Variants in DPP10 observed in about 807,000 individuals in gnomAD.
The protein encoded by DPP10 is dipeptidyl peptidase like 10.
In DPP10, 33 loss-of-function variants were observed where a neutral mutation model predicts 120.9. The observed-to-expected ratio is 0.27, with a 90% confidence interval of 0.21 to 0.37. The LOEUF is 0.37. Among genes scored for constraint, DPP10 ranks in the 10% least tolerant of loss-of-function variants. The pLI is 1.00. For missense variants in DPP10, 816 were observed against 942.8 expected, an observed-to-expected ratio of 0.87 and a Z score of 1.76; for synonymous variants, 337 against 326.1, an observed-to-expected ratio of 1.03 and a Z score of -0.36.
rs530127210 is a variant in DPP10 at position 115,377,792 on chromosome 2, C to T, written c.271+33880C>T. 7.2e-5 allele frequency among the ~76,000 whole-genome samples: 11 copies of T among 152,126 alleles called. No homozygotes were observed. In the South Asian group the frequency reaches 8.3e-4, roughly 11 times the overall value. On this transcript the variant is annotated intron_variant, in intron 3 of 25. Coordinates refer to ENST00000410059, the MANE Select transcript of DPP10 (RefSeq NM_020868.6). The stretch of plus-strand genomic sequence containing the variant: ...ATATGGCTAGCCAGTTTTCCCAGCA[C>T]CATTTATTAAATAGGGAATCCTTTC...
intron 1 of DPP10, among the ~76,000 whole-genome samples, chr2:114,785,734 G>C (rs956013036): frequency 6.6e-6 from 1 of 152,114 alleles, no homozygotes; most frequent in South Asian, 2.1e-4. Context: ...ACAGTCTAAG[G>C]GGGAGCTGAA....
chr2:114,593,744 C>A (rs1028933350), intron 1 of DPP10, among the ~76,000 whole-genome samples: 2 of 152,222 alleles, frequency 1.3e-5, no homozygotes, highest in African/African-American at 4.8e-5. Context: ...CCAGAGGAAG[C>A]CTTGCTTTGT....
At chr2:114,700,191 G>A (rs1033117824) in intron 1 of DPP10, among the ~76,000 whole-genome samples, 1 of 152,020 alleles carries the variant, frequency 6.6e-6, no homozygotes, top group Non-Finnish European at 1.5e-5. Context: ...AACTGGGGAA[G>A]TCTCCAGGCA....
At chr2:114,604,192 G>C (rs1031051802) in intron 1 of DPP10, among the ~76,000 whole-genome samples, 3 of 151,972 alleles carry the variant, frequency 2.0e-5, no homozygotes, top group African/African-American at 7.2e-5. Context: ...GAAGTGTTCA[G>C]CATAGACCAT....
chr2:114,748,122 C>A (rs958590557), intron 1 of DPP10, among the ~76,000 whole-genome samples: 1 of 151,794 alleles, frequency 6.6e-6, no homozygotes, highest in African/African-American at 2.4e-5. Flanking sequence ...ATTTTTATTC[C>A]ATTTTACAGA....
chr2:115,791,191 T>C lies in DPP10; in HGVS notation c.1630+12T>C. On this transcript the variant is annotated intron_variant, in intron 18 of 25. Transcript: ENST00000410059. The stretch of plus-strand genomic sequence containing the variant: ...TATTGACGACTATGGTAAAATTTTG[T>C]GCATGCTATGTTATTCAAGAACAAC... 1.2e-6 allele frequency: 2 copies of C among 1,611,360 alleles called. No homozygotes were observed. The highest frequency in any genetic ancestry group is 1.7e-6 in the Non-Finnish European group (2 of 1,178,186).
At position 114,575,201 on chromosome 2, in the gene DPP10, A is replaced by AG. The variant is rs573834684; in HGVS notation, c.60+132364dup. On this transcript the variant is annotated intron_variant, in intron 1 of 25. Coordinates refer to ENST00000410059, the MANE Select transcript of DPP10 (RefSeq NM_020868.6). Reference sequence around the variant, plus strand: ...GCAATTTAGGAGAGAAAACCGAAGAAGAAGGAAGCAAAAGAAAAAAATAAA... The same window carrying AG: ...GCAATTTAGGAGAGAAAACCGAAGAAGGAAGGAAGCAAAAGAAAAAAATAAA... Among the ~76,000 whole-genome samples the AG allele has an allele frequency of 1.2e-3, 180 of 152,288 alleles. 1 individual carries two copies. The highest frequency in any genetic ancestry group is 4.1e-3 in the African/African-American group (169 of 41,560).
At chr2:115,595,246 C>T (rs1393858743) in intron 5 of DPP10, among the ~76,000 whole-genome samples, 1 of 152,010 alleles carries the variant, frequency 6.6e-6, no homozygotes, top group Non-Finnish European at 1.5e-5. Flanking sequence ...TCTTTCTCTT[C>T]CCTTTTTTTG....
chr2:115,806,577 C>T (rs991746271), intron 19 of DPP10, among the ~76,000 whole-genome samples: 8 of 152,150 alleles, frequency 5.3e-5, no homozygotes, highest in Non-Finnish European at 1.2e-4. Context: ...CTGAAGGTGT[C>T]ATGATGCCCT....
At chr2:114,731,194 C>T (rs996227042) in intron 1 of DPP10, among the ~76,000 whole-genome samples, 1 of 151,322 alleles carries the variant, frequency 6.6e-6, no homozygotes, top group Non-Finnish European at 1.5e-5. Context: ...TTTGTCCATG[C>T]TCTGTGCCAA....
At chr2:115,167,653 G>T in intron 1 of DPP10, among the ~76,000 whole-genome samples, 1 of 149,280 alleles carries the variant, frequency 6.7e-6, no homozygotes, top group Non-Finnish European at 1.5e-5. Flanking sequence ...GTGTATAGCT[G>T]ATCCATTATT....
In DPP10 at chr2:115,199,528, A is replaced by G. The variant is rs1573983966; in HGVS notation, c.61-109711A>G. 2.6e-5 allele frequency among the ~76,000 whole-genome samples: 4 copies of G among 152,182 alleles called. No individual in the cohort carries two copies. The East Asian group carries it at 7.7e-4, about 29-fold the overall frequency. ...ATTTGAACTACTAGTTCTTGGTTTG[A>G]ATGTAACAAATTCCTGGGAGGCCCG... is the stretch of plus-strand genomic sequence containing the variant. On this transcript the variant is annotated intron_variant, in intron 1 of 25. Transcript: ENST00000410059.
chr2:115,364,342 G>C (rs2064958715), intron 3 of DPP10, among the ~76,000 whole-genome samples: 1 of 151,858 alleles, frequency 6.6e-6, no homozygotes, highest in South Asian at 2.1e-4. Flanking sequence ...AGCTTAAAAA[G>C]CTCTGGTTTT....
At chr2:115,780,039 AC>A (rs1682563602) in intron 15 of DPP10, among the ~76,000 whole-genome samples, 1 of 151,970 alleles carries the variant, frequency 6.6e-6, no homozygotes, top group Admixed American at 6.6e-5. Context: ...TAAATATACG[AC>A]CAAAAATCAT....
chr2:115,675,966 T>A (rs2090219003), intron 5 of DPP10, among the ~76,000 whole-genome samples: 1 of 152,178 alleles, frequency 6.6e-6, no homozygotes, highest in Non-Finnish European at 1.5e-5. Flanking sequence ...CAGCTGTGAC[T>A]GTTGTACTGA....
chr2:114,574,140 G>T (rs752197159), intron 1 of DPP10, among the ~76,000 whole-genome samples: 1 of 152,170 alleles, frequency 6.6e-6, no homozygotes, highest in Non-Finnish European at 1.5e-5. Context: ...GGACAGTGGT[G>T]TCAGTGAGAA....
chr2:115,630,978 G>GC (rs749830343), intron 5 of DPP10, among the ~76,000 whole-genome samples: 4 of 151,042 alleles, frequency 2.6e-5, no homozygotes, highest in Non-Finnish European at 5.9e-5. Context: ...AGAAGAAGTG[G>GC]CACCAGCTCC....
At chr2:115,815,764 G>T (rs1438214483) in intron 21 of DPP10, 35 bp downstream of exon 21, 4 of 1,561,686 alleles carry the variant, frequency 2.6e-6, no homozygotes, top group Non-Finnish European at 3.5e-6. Context: ...ATCTTTTTAT[G>T]CGTATCTATG....
At chr2:115,007,475 G>A (rs1232880508) in intron 1 of DPP10, among the ~76,000 whole-genome samples, 3 of 151,904 alleles carry the variant, frequency 2.0e-5, no homozygotes, top group East Asian at 3.9e-4. Flanking sequence ...ATATCATACT[G>A]AATGGGCAAA....
Sources: allele counts gnomAD v4.1 joint callset (sites outside exome capture counted in the v4.1 genomes callset), GRCh38; gene constraint gnomAD v4.1.1; transcripts MANE v1.5; gene names NCBI Gene and HGNC (gene_info 2026-07-23, HGNC 2026-07-21).